Variants in PTPRT observed in about 807,000 individuals in gnomAD.
The protein encoded by PTPRT is receptor-type tyrosine-protein phosphatase T.
Under a neutral mutation model 176.8 loss-of-function variants are expected in PTPRT, and 56 were observed. The ratio of observed to expected loss-of-function variants is 0.32; its 90% CI spans 0.26 to 0.40. PTPRT has a LOEUF of 0.40. Ranked by LOEUF, PTPRT falls within the 10% of genes least tolerant of loss-of-function variation. PTPRT has a pLI of 1.00. For missense variants in PTPRT, 1,540 were observed against 1,908.2 expected, an observed-to-expected ratio of 0.81 and a Z score of 3.60; for synonymous variants, 783 against 739.0, an observed-to-expected ratio of 1.06 and a Z score of -0.96.
intron 15 of PTPRT, among the ~76,000 whole-genome samples, chr20:42,212,949 T>C (rs770557988): frequency 5.3e-5 from 8 of 152,186 alleles, no homozygotes; most frequent in Admixed American, 2.6e-4. Flanking sequence ...TGGGGAGCTT[T>C]AAAAATTACC....
At chr20:42,912,794 C>T (rs1029436638) in intron 1 of PTPRT, among the ~76,000 whole-genome samples, 2 of 152,222 alleles carry the variant, frequency 1.3e-5, no homozygotes, top group Non-Finnish European at 2.9e-5. Flanking sequence ...TCCATCTACT[C>T]CCGGATGTCC....
At position 42,725,813 on chromosome 20, in the gene PTPRT, CT is replaced by C. The variant is rs890931257; in HGVS notation, c.859+30648del. The stretch of plus-strand genomic sequence containing the variant: ...ACCATTTGACCCAGCAATCCCATTA[CT>C]GGGTATATACCCAAATTAATATACA... On this transcript the variant is annotated intron_variant, in intron 6 of 30. Transcript: ENST00000373187. Among the ~76,000 whole-genome samples the C allele has an allele frequency of 1.6e-4, 25 of 152,040 alleles. 1 individual carries two copies. Among genetic ancestry groups the C allele is most frequent in the Non-Finnish European group, 2.6e-4 (18 of 67,960 alleles).
At chr20:42,608,587 A>G (rs1209943042) in intron 7 of PTPRT, among the ~76,000 whole-genome samples, 2 of 152,152 alleles carry the variant, frequency 1.3e-5, no homozygotes, top group Non-Finnish European at 2.9e-5. Flanking sequence ...AAATGGGAAG[A>G]CTGGAACAGC....
chr20:42,043,738 T>A, the PTPRT span, among the ~76,000 whole-genome samples: 1 of 152,364 alleles, frequency 6.6e-6, no homozygotes, highest in Admixed American at 6.5e-5. Flanking sequence ...CAGCTTTATC[T>A]TTACCAATAT....
chr20:42,392,876 G>A (rs980841464), intron 9 of PTPRT, among the ~76,000 whole-genome samples: 1 of 152,118 alleles, frequency 6.6e-6, no homozygotes, highest in African/African-American at 2.4e-5. Flanking sequence ...CAAGAGAAAA[G>A]CATACGCATC....
chr20:42,624,048 T>G (rs1385691755), intron 7 of PTPRT, among the ~76,000 whole-genome samples: 1 of 136,666 alleles, frequency 7.3e-6, no homozygotes, highest in Non-Finnish European at 1.6e-5. Flanking sequence ...CCTGCTGAAC[T>G]CAGATTCTGA....
intron 16 of PTPRT, among the ~76,000 whole-genome samples, chr20:42,173,427 C>T (rs1303476349): frequency 1.3e-5 from 2 of 152,082 alleles, no homozygotes; most frequent in African/African-American, 4.8e-5. Flanking sequence ...AGAAAATAAA[C>T]ATCTAGGTAT....
At chr20:42,634,066 TATATATATAATATATATATAATATAATA>T (rs1396990956) in intron 7 of PTPRT, among the ~76,000 whole-genome samples, 15 of 39,794 alleles carry the variant, frequency 3.8e-4, no homozygotes, top group African/African-American at 3.1e-3. Flanking sequence ...AAATATATAA[TATATATATAATATATATATAATATAATA>T]ATATATATAT....
At chr20:42,503,616 A>G (rs1483539877) in intron 7 of PTPRT, among the ~76,000 whole-genome samples, 1 of 152,034 alleles carries the variant, frequency 6.6e-6, no homozygotes, top group African/African-American at 2.4e-5. Flanking sequence ...TGTTTTATGT[A>G]TTCCTAAGCT....
At chr20:42,737,825 T>C (rs977287893) in intron 6 of PTPRT, among the ~76,000 whole-genome samples, 2 of 152,250 alleles carry the variant, frequency 1.3e-5, no homozygotes, top group South Asian at 2.1e-4. Flanking sequence ...TACCTCACAA[T>C]TGTACAGATT....
intron 1 of PTPRT, among the ~76,000 whole-genome samples, chr20:43,089,756 A>T (rs1007293555): frequency 1.3e-5 from 2 of 152,170 alleles, no homozygotes; most frequent in African/African-American, 2.4e-5. Flanking sequence ...GGAAGAGTCC[A>T]TGGGCTGGCC....
At chr20:42,986,234 T>C (rs1009344714) in intron 1 of PTPRT, among the ~76,000 whole-genome samples, 1 of 152,218 alleles carries the variant, frequency 6.6e-6, no homozygotes, top group Non-Finnish European at 1.5e-5. Context: ...TCAAGCCAGA[T>C]TTTCTTCTGT....
the PTPRT span, among the ~76,000 whole-genome samples, chr20:42,038,424 A>T: frequency 6.6e-6 from 1 of 152,304 alleles, no homozygotes; most frequent in East Asian, 1.9e-4. Context: ...AGTGAGTCCA[A>T]CTTGGGGGAT....
intron 11 of PTPRT, among the ~76,000 whole-genome samples, chr20:42,333,413 C>T (rs1374468387): frequency 1.3e-5 from 2 of 150,570 alleles, no homozygotes; most frequent in Admixed American, 1.3e-4. Context: ...CTCACTGTAA[C>T]CTCTGACTCC....
intron 7 of PTPRT, among the ~76,000 whole-genome samples, chr20:42,666,383 TA>T (rs2075317810): frequency 6.6e-6 from 1 of 152,210 alleles, no homozygotes. Context: ...AAAAAAATTT[TA>T]AAGTCAGTTT....
chr20:42,294,866 C>A (rs2147098875), intron 12 of PTPRT, among the ~76,000 whole-genome samples: 1 of 151,954 alleles, frequency 6.6e-6, no homozygotes, highest in South Asian at 2.1e-4. Context: ...GATTAAATTA[C>A]CAGATGTCAA....
chr20:42,819,763 G>A (rs2077857730), intron 2 of PTPRT, among the ~76,000 whole-genome samples: 1 of 151,920 alleles, frequency 6.6e-6, no homozygotes, highest in South Asian at 2.1e-4. Context: ...AAAAAAGCAG[G>A]GGTTGCAATC....
intron 23 of PTPRT, among the ~76,000 whole-genome samples, chr20:42,109,220 G>A (rs1320596603): frequency 2.6e-5 from 4 of 152,112 alleles, no homozygotes; most frequent in African/African-American, 9.7e-5. Context: ...AGTCTTCCAT[G>A]GTCTCTTGAC....
intron 6 of PTPRT, among the ~76,000 whole-genome samples, chr20:42,695,137 T>A (rs1187913108): frequency 6.6e-6 from 1 of 152,220 alleles, no homozygotes; most frequent in Admixed American, 6.5e-5. Flanking sequence ...TCCTTTGTCA[T>A]ATATATGGTT....
Sources: allele counts gnomAD v4.1 joint callset (sites outside exome capture counted in the v4.1 genomes callset), GRCh38; gene constraint gnomAD v4.1.1; transcripts MANE v1.5; gene names NCBI Gene and HGNC (gene_info 2026-07-23, HGNC 2026-07-21).